SERPINA10: variants seen among roughly 807,000 people sequenced by gnomAD.
SERPINA10 encodes protein Z-dependent protease inhibitor.
SERPINA10 carries 24 observed loss-of-function variants against 28.0 expected under a neutral mutation model. The ratio of observed to expected loss-of-function variants is 0.86; its 90% CI spans 0.62 to 1.20. The LOEUF (loss-of-function observed/expected upper bound fraction) is 1.20, where lower values mean the gene tolerates loss of function less well. Among genes scored for constraint, SERPINA10 ranks in the 50% most tolerant of loss-of-function variants. The pLI, the probability that SERPINA10 is intolerant of heterozygous loss-of-function variation, is 0.00. For synonymous variants in SERPINA10, 207 were observed against 203.9 expected, an observed-to-expected ratio of 1.02 and a Z score of -0.13; for missense variants, 521 against 537.7, an observed-to-expected ratio of 0.97 and a Z score of 0.31.
chr14:94,288,626 T>A (rs1895084998), intron 2 of SERPINA10, 67 bp from the exon 3 acceptor site: 2 of 1,593,216 alleles, frequency 1.3e-6, no homozygotes, highest in African/African-American at 1.3e-5. Flanking sequence ...CTTGCTCAAA[T>A]AATAGAGAGG....
At position 94,289,742 on chromosome 14, in the gene SERPINA10, A is replaced by G. The variant is rs548418809; in HGVS notation, c.718+134T>C. 116 of 983,854 alleles carry G rather than the reference A, an allele frequency of 1.2e-4. 2 individuals are homozygous for G. The South Asian group carries it at 1.5e-3, about 13-fold the overall frequency. The allele number at this position is 983,854 out of a possible 1,614,324, so 60.9% of individuals were successfully genotyped here. Reference sequence around the variant, plus strand: ...CTGGCACTGTTCAATATGTGTATCAATCTGTTTTTGAAACGTGAAAACACA... The same window carrying G: ...CTGGCACTGTTCAATATGTGTATCAGTCTGTTTTTGAAACGTGAAAACACA... On this transcript the variant is annotated intron_variant, in intron 2 of 4. Transcript: ENST00000261994.
Position 94,290,008 on chromosome 14 carries a change from G to A in SERPINA10, c.586C>T (p.Arg196Cys), listed in dbSNP as rs200117551. The A allele has an allele frequency of 4.3e-5, 70 of 1,614,220 alleles. No homozygotes were observed. The highest frequency in any genetic ancestry group is 6.7e-5 in the East Asian group (3 of 44,894). ...AGCCTTTTGGCCTGTGAGGCATTGC[G>A]AAAATTCATAGGCACGCACTCTGTA... is the stretch of plus-strand genomic sequence containing the variant. ...FDTECVPMNF[R>C]NASQAKRLMN... Residue 196 changes from arginine (R) to cysteine (C), a missense_variant, in exon 2 of 5, where the codon CGC (arginine) becomes TGC (cysteine). Arg to Cys is a radical substitution (Grantham distance 180). Transcript: ENST00000261994.
Position 94,288,343 on chromosome 14 carries a change from A to G in SERPINA10, c.935T>C (p.Leu312Pro), listed in dbSNP as rs1022272300. The G allele has an allele frequency of 1.2e-6, 2 of 1,614,166 alleles. No individual in the cohort carries two copies. The highest frequency in any genetic ancestry group is 1.7e-6 in the Non-Finnish European group (2 of 1,180,030). Reference sequence around the variant, plus strand: ...CAAGTCTGTGGTCAGGTAGTCTTCAAGGGCGAGGTGGTCACCCATTTTCTC... The same window carrying G: ...CAAGTCTGTGGTCAGGTAGTCTTCAGGGGCGAGGTGGTCACCCATTTTCTC... ...LMEKMGDHLALEDYLTTDLVE... is the reference protein window; with the variant it reads ...LMEKMGDHLAPEDYLTTDLVE... The change falls in exon 3 of 5, where the codon CTT becomes CCT. Residue 312 changes from leucine to proline, a missense_variant. By Grantham distance (98) the Leu-to-Pro change is moderately conservative. Transcript: ENST00000261994.
At position 94,288,519 on chromosome 14, in the gene SERPINA10, G is replaced by A; in HGVS notation, c.759C>T (p.Val253=). ...LTPFDPVFTE[V]DTFHLDKYKT... is the part of the protein sequence containing the mutation. ...TGTACTTGTCCAGGTGGAAAGTGTCGACTTCGGTGAAGACAGGGTCAAATG... is the reference window on the plus strand; with the variant it reads ...TGTACTTGTCCAGGTGGAAAGTGTCAACTTCGGTGAAGACAGGGTCAAATG... The change falls in exon 3 of 5, where the codon GTC becomes GTT. Residue 253 remains valine (V), a synonymous_variant. Transcript: ENST00000261994. 3.1e-6 allele frequency: 5 copies of A among 1,614,186 alleles called. No individual in the cohort carries two copies. Among genetic ancestry groups the A allele is most frequent in the East Asian group, 4.5e-5 (2 of 44,884 alleles).
Position 94,290,438 on chromosome 14 carries a change from C to T in SERPINA10, c.156G>A (p.Glu52=). ...VQAPKEEEED[E]QEASEEKASE... ...TGGCCTTCTCCTCGCTGGCCTCCTG[C>T]TCATCTTCCTCTTCCTCCTTGGGAG... is the stretch of plus-strand genomic sequence containing the variant. Residue 52 remains glutamate, a synonymous_variant, in exon 2 of 5, where the codon GAG becomes GAA. Transcript: ENST00000261994. 1 of 1,613,714 alleles carries T rather than the reference C, an allele frequency of 6.2e-7. No individual in the cohort carries two copies. The highest frequency in any genetic ancestry group is 8.5e-7 in the Non-Finnish European group (1 of 1,179,750).
chr14:94,286,550 A>C (rs1371288373), intron 3 of SERPINA10, among the ~76,000 whole-genome samples: 1 of 152,242 alleles, frequency 6.6e-6, no homozygotes, highest in Non-Finnish European at 1.5e-5. Flanking sequence ...ACCTGAGTTA[A>C]CAGCTGCTTT....
chr14:94,288,050 T>G (rs1022999948), intron 3 of SERPINA10, among the ~76,000 whole-genome samples: 1 of 152,248 alleles, frequency 6.6e-6, no homozygotes, highest in Non-Finnish European at 1.5e-5. Flanking sequence ...TGGCATCATA[T>G]ATTTATCACA....
Position 94,288,443 on chromosome 14 carries a change from AG to A in SERPINA10, c.834del (p.Phe279LeufsTer38). The A allele has an allele frequency of 1.2e-6, 2 of 1,614,138 alleles. No individual in the cohort carries two copies. The highest frequency in any genetic ancestry group is 1.7e-6 in the Non-Finnish European group (2 of 1,180,026). On this transcript the variant is annotated frameshift_variant, in exon 3 of 5. Transcript: ENST00000261994. LOFTEE classifies it high-confidence loss of function. ...ACATGACAACGAAAATTCTTGTCAA[AG>A]GTGGAGGCAAACTTGCCTGCACCGT... ...MMYGAGKFAS[T>X]FDKNFRCHVL...
Position 94,290,185 on chromosome 14 carries a change from T to C in SERPINA10, c.409A>G (p.Lys137Glu). The change falls in exon 2 of 5, where the codon AAG becomes GAG. Residue 137 changes from lysine (K) to glutamate (E), a missense_variant. Physicochemically the swap from Lys to Glu is moderately conservative, Grantham distance 56. Coordinates refer to ENST00000261994, the MANE Select transcript of SERPINA10 (RefSeq NM_001100607.3). ...GLHLQALKPT[K>E]PGLLPSLFKG... ...AAGAGGGAAGGCAGGAGCCCGGGCT[T>C]GGTGGGCTTCAGGGCCTGCAAGTGG... 1.9e-6 allele frequency: 3 copies of C among 1,613,774 alleles called. No individual in the cohort carries two copies. Among genetic ancestry groups the C allele is most frequent in the Non-Finnish European group, 2.5e-6 (3 of 1,179,826 alleles).
intron 3 of SERPINA10, among the ~76,000 whole-genome samples, 199 bp downstream of exon 3, chr14:94,288,087 C>T (rs955132597): frequency 2.6e-5 from 4 of 152,168 alleles, no homozygotes; most frequent in Admixed American, 1.3e-4. Flanking sequence ...TACTGATGGA[C>T]TCAATGAATG....
At position 94,290,355 on chromosome 14, in the gene SERPINA10, G is replaced by T; in HGVS notation, c.239C>A (p.Ser80Ter). The T allele has an allele frequency of 6.2e-7, 1 of 1,614,208 alleles. No homozygotes were observed. The highest frequency in any genetic ancestry group is 8.5e-7 in the Non-Finnish European group (1 of 1,180,044). ...TCGCAGCAGGCTGAATCCGAAGTTT[G>T]AAGTCTCCTTGGCAAGCTGCTGCCT... ...ASRQQLAKET[S>*]NFGFSLLRKI... The change falls in exon 2 of 5, where the codon TCA becomes TAA. Residue 80 changes from serine to a stop codon, truncating the protein, a stop_gained. Transcript: ENST00000261994. LOFTEE classifies it high-confidence loss of function.
Position 94,290,007 on chromosome 14 carries a change from C to G in SERPINA10, c.587G>C (p.Arg196Pro), listed in dbSNP as rs2232701. The G allele has an allele frequency of 6.2e-7, 1 of 1,614,050 alleles. No homozygotes were observed. Among genetic ancestry groups the G allele is most frequent in the Non-Finnish European group, 8.5e-7 (1 of 1,180,034 alleles). Residue 196 changes from arginine to proline, a missense_variant, in exon 2 of 5, where the codon CGC (arginine) becomes CCC (proline). Transcript: ENST00000261994. The stretch of plus-strand genomic sequence containing the variant: ...GAGCCTTTTGGCCTGTGAGGCATTG[C>G]GAAAATTCATAGGCACGCACTCTGT... ...FDTECVPMNF[R>P]NASQAKRLMN...
chr14:94,292,792 G>A (rs548949170), intron 1 of SERPINA10: 15 of 668,428 alleles, frequency 2.2e-5, no homozygotes, highest in Admixed American at 1.3e-4. Context: ...TGGTGAGGAC[G>A]CACCTTCCTA....
At position 94,288,452 on chromosome 14, in the gene SERPINA10, C is replaced by G. The variant is rs780142934; in HGVS notation, c.826G>C (p.Ala276Pro). Residue 276 changes from alanine (A) to proline (P), a missense_variant, in exon 3 of 5, where the codon GCC (alanine) becomes CCC (proline). Coordinates refer to ENST00000261994, the MANE Select transcript of SERPINA10 (RefSeq NM_001100607.3). ...VPMMYGAGKF[A>P]STFDKNFRCH... ...CGAAAATTCTTGTCAAAGGTGGAGGCAAACTTGCCTGCACCGTACATCATG... is the reference window on the plus strand; with the variant it reads ...CGAAAATTCTTGTCAAAGGTGGAGGGAAACTTGCCTGCACCGTACATCATG... 6.2e-7 allele frequency: 1 copy of G among 1,614,096 alleles called. No homozygotes were observed. Among genetic ancestry groups the G allele is most frequent in the Non-Finnish European group, 8.5e-7 (1 of 1,180,020 alleles).
intron 1 of SERPINA10, among the ~76,000 whole-genome samples, chr14:94,292,191 G>T (rs1028510583): frequency 2.2e-4 from 34 of 152,322 alleles, no homozygotes; most frequent in African/African-American, 7.9e-4. Context: ...CGCTTGGGAG[G>T]TGATTAGGTT....
In SERPINA10 at chr14:94,283,844, C is replaced by A; in HGVS notation, c.*121G>T. The A allele has an allele frequency of 1.0e-6, 1 of 1,002,784 alleles. No homozygotes were observed. Among genetic ancestry groups the A allele is most frequent in the Non-Finnish European group, 1.6e-6 (1 of 641,870 alleles). The allele number at this position is 1,002,784 out of a possible 1,614,324, so 62.1% of individuals were successfully genotyped here. On this transcript the variant is annotated 3_prime_UTR_variant, in exon 5 of 5. Transcript: ENST00000261994. ...ACTACTGTATTTATTTGAGAACACC[C>A]TAAACTAGTTAAGAACAAAAGGAAC...
chr14:94,288,173 A>G (rs2139696388), intron 3 of SERPINA10, 113 bp downstream of exon 3: 1 of 1,435,272 alleles, frequency 7.0e-7, no homozygotes, highest in Non-Finnish European at 9.8e-7. Flanking sequence ...CCTTCAGGAA[A>G]CTTATAGCTC....
chr14:94,282,463 G>A lies in SERPINA10; in HGVS notation c.*1502C>T, dbSNP rs1894923762. 1 of 152,094 alleles carries A rather than the reference G, an allele frequency of 6.6e-6. No homozygotes were observed. Among genetic ancestry groups the A allele is most frequent in the Non-Finnish European group, 1.5e-5 (1 of 68,028 alleles). The allele number at this position is 152,094 out of a possible 1,614,324, so 9.4% of individuals were successfully genotyped here. A position where few individuals can be genotyped will look rare whatever the true frequency, so the allele number is the denominator to read the frequency against. On this transcript the variant is annotated 3_prime_UTR_variant, in exon 5 of 5. Transcript: ENST00000261994. ...GGGACAAAGTTCATGCTTATATTCTGTTTAACCCCCATGGGTAGCTGTAGT... is the reference window on the plus strand; with the variant it reads ...GGGACAAAGTTCATGCTTATATTCTATTTAACCCCCATGGGTAGCTGTAGT...
chr14:94,283,565 T>C lies in SERPINA10; in HGVS notation c.*400A>G, dbSNP rs1894947602. 3.6e-6 allele frequency: 1 copy of C among 280,262 alleles called. No homozygotes were observed. The highest frequency in any genetic ancestry group is 6.8e-6 in the Non-Finnish European group (1 of 147,172). The allele number at this position is 280,262 out of a possible 1,614,324, so 17.4% of individuals were successfully genotyped here. On this transcript the variant is annotated 3_prime_UTR_variant, in exon 5 of 5. Coordinates refer to ENST00000261994, the MANE Select transcript of SERPINA10 (RefSeq NM_001100607.3). ...CCCAATGTCTCCACACTGTCTATGC[T>C]CCTCGCCCATGAGTCACTTAGTAGC...
Sources: gnomAD v4.1 joint callset for allele counts (sites outside exome capture counted in the v4.1 genomes callset) on GRCh38, gnomAD v4.1.1 for gene constraint, MANE v1.5 for transcripts, NCBI Gene and HGNC (gene_info 2026-07-23, HGNC 2026-07-21) for gene names.